ST6GALNAC3: variants seen among roughly 807,000 people sequenced by gnomAD.
The protein encoded by ST6GALNAC3 is ST6 N-acetylgalactosaminide alpha-2,6-sialyltransferase 3, also known as alpha-N-acetylgalactosaminide alpha-2,6-sialyltransferase 3.
In ST6GALNAC3, 25 loss-of-function variants were observed where a neutral mutation model predicts 32.7. The ratio of observed to expected loss-of-function variants is 0.76; its 90% CI spans 0.56 to 1.07. The LOEUF (loss-of-function observed/expected upper bound fraction) is 1.07, where lower values mean the gene tolerates loss of function less well. ST6GALNAC3 is among the 50% of genes least tolerant of loss of function. ST6GALNAC3 has a pLI of 0.00. For missense variants in ST6GALNAC3, 355 were observed against 382.4 expected (o/e 0.93, Z 0.60); for synonymous variants, 129 against 133.1 (o/e 0.97, Z 0.21).
intron 3 of ST6GALNAC3, among the ~76,000 whole-genome samples, chr1:76,499,416 C>A (rs988383496): frequency 1.3e-5 from 2 of 152,182 alleles, no homozygotes; most frequent in African/African-American, 2.4e-5. Context: ...CCAAATCATG[C>A]AAATCAGAAG....
intron 1 of ST6GALNAC3, among the ~76,000 whole-genome samples, chr1:76,186,302 T>A (rs1201530807): frequency 2.6e-5 from 4 of 152,228 alleles, no homozygotes; most frequent in African/African-American, 9.6e-5. Flanking sequence ...TCTCATCCAC[T>A]TCTTTGAGCA....
intron 2 of ST6GALNAC3, among the ~76,000 whole-genome samples, chr1:76,348,112 G>A (rs929122070): frequency 2.6e-5 from 4 of 152,164 alleles, no homozygotes; most frequent in African/African-American, 4.8e-5. Flanking sequence ...CATGAAAGGT[G>A]TTTAACTCTT....
chr1:76,569,167 C>T (rs1221720670), intron 3 of ST6GALNAC3, among the ~76,000 whole-genome samples: 1 of 152,160 alleles, frequency 6.6e-6, no homozygotes, highest in Non-Finnish European at 1.5e-5. Flanking sequence ...CAAACATACA[C>T]TTGTTTGAAG....
intron 1 of ST6GALNAC3, among the ~76,000 whole-genome samples, chr1:76,207,172 G>T (rs72675919): frequency 0.043 from 6,524 of 152,222 alleles, 295 homozygotes; most frequent in African/African-American, 0.12. Context: ...CACAAAGTAG[G>T]TGTTAACCCC....
chr1:76,402,492 C>G (rs192102081), intron 2 of ST6GALNAC3, among the ~76,000 whole-genome samples: 1 of 152,274 alleles, frequency 6.6e-6, no homozygotes, highest in East Asian at 1.9e-4. Flanking sequence ...TTTCAGTACA[C>G]TACGCACCAT....
At chr1:76,176,866 A>G (rs577156825) in intron 1 of ST6GALNAC3, among the ~76,000 whole-genome samples, 3 of 152,298 alleles carry the variant, frequency 2.0e-5, no homozygotes, top group Non-Finnish European at 4.4e-5. Context: ...GATGGTGGTA[A>G]TGATTGCATA....
chr1:76,376,721 A>G (rs1239123328), intron 2 of ST6GALNAC3, among the ~76,000 whole-genome samples: 1 of 152,166 alleles, frequency 6.6e-6, no homozygotes, highest in Non-Finnish European at 1.5e-5. Context: ...TATTTAGACC[A>G]TTTATATGTG....
chr1:76,225,901 G>T (rs2100619904), intron 1 of ST6GALNAC3, among the ~76,000 whole-genome samples: 1 of 152,170 alleles, frequency 6.6e-6, no homozygotes, highest in East Asian at 1.9e-4. Flanking sequence ...CATTTCACTG[G>T]ACTTCACCCA....
At chr1:76,609,616 G>T (rs1647787855) in intron 3 of ST6GALNAC3, among the ~76,000 whole-genome samples, 1 of 152,028 alleles carries the variant, frequency 6.6e-6, no homozygotes, top group African/African-American at 2.4e-5. Flanking sequence ...AAAAATTGGG[G>T]GTGGGGAGAT....
intron 3 of ST6GALNAC3, among the ~76,000 whole-genome samples, chr1:76,616,923 G>C (rs1648332550): frequency 1.3e-5 from 2 of 152,120 alleles, no homozygotes; most frequent in South Asian, 4.1e-4. Context: ...GAGAAGGTCA[G>C]AGCTGCTTTA....
At chr1:76,494,743 G>GCA (rs34912507) in intron 3 of ST6GALNAC3, among the ~76,000 whole-genome samples, 86,498 of 130,486 alleles carry the variant, frequency 0.66, 30,623 homozygotes, top group East Asian at 0.85. Context: ...TCATGTGTAT[G>GCA]CACACACACA....
chr1:76,231,731 A>G (rs956896495), intron 1 of ST6GALNAC3, among the ~76,000 whole-genome samples: 1 of 152,092 alleles, frequency 6.6e-6, no homozygotes, highest in Admixed American at 6.5e-5. Context: ...TTTTTCATCC[A>G]TTCATCTGTC....
rs568449487 is a variant in ST6GALNAC3 at position 76,362,205 on chromosome 1, A to G, written c.213+48206A>G. Among the ~76,000 whole-genome samples, 235 of 152,206 alleles carry G rather than the reference A, an allele frequency of 1.5e-3. 1 individual carries two copies. The highest frequency in any genetic ancestry group is 5.6e-3 in the African/African-American group (233 of 41,540). On this transcript the variant is annotated intron_variant, in intron 2 of 4. Coordinates refer to ENST00000328299, the MANE Select transcript of ST6GALNAC3 (RefSeq NM_152996.4). ...GGAAGAAGAGAGGCGGAAGTGCTAC[A>G]CATGTTTAAACAACCGGATCTCTTG...
At chr1:76,486,798 T>C (rs1016659815) in intron 3 of ST6GALNAC3, among the ~76,000 whole-genome samples, 5 of 152,232 alleles carry the variant, frequency 3.3e-5, no homozygotes, top group Admixed American at 2.0e-4. Context: ...TGCTCGTTAG[T>C]TGATGCAGTT....
chr1:76,623,664 T>C lies in ST6GALNAC3; in HGVS notation c.624-3788T>C, dbSNP rs552991290. Among the ~76,000 whole-genome samples, 15 of 152,142 alleles carry C rather than the reference T, an allele frequency of 9.9e-5. 1 individual carries two copies. The highest frequency in any genetic ancestry group is 3.6e-4 in the African/African-American group (15 of 41,548). On this transcript the variant is annotated intron_variant, in intron 3 of 4. Coordinates refer to ENST00000328299, the MANE Select transcript of ST6GALNAC3 (RefSeq NM_152996.4). ...ATAGTTATCACTTTAAGGCATTTGATAGTTATCACTAAGTCTTTCCAAGCT... is the reference window on the plus strand; with the variant it reads ...ATAGTTATCACTTTAAGGCATTTGACAGTTATCACTAAGTCTTTCCAAGCT...
At chr1:76,605,542 A>T (rs1647472567) in intron 3 of ST6GALNAC3, among the ~76,000 whole-genome samples, 1 of 152,022 alleles carries the variant, frequency 6.6e-6, no homozygotes, top group Admixed American at 6.6e-5. Flanking sequence ...ACAAATTTAC[A>T]AGAAAAAAAA....
At chr1:76,416,635 T>TTG (rs1375025004) in intron 3 of ST6GALNAC3, among the ~76,000 whole-genome samples, 1 of 146,346 alleles carries the variant, frequency 6.8e-6, no homozygotes, top group Non-Finnish European at 1.5e-5. Context: ...TTGTTTTTTT[T>TTG]TTTTTTTTTT....
chr1:76,627,817 T>G (rs1447977849), intron 4 of ST6GALNAC3, among the ~76,000 whole-genome samples: 2 of 151,930 alleles, frequency 1.3e-5, no homozygotes, highest in African/African-American at 2.4e-5. Context: ...AGCAGGGACT[T>G]TTGGCTTGAA....
chr1:76,134,286 T>C (rs914139495), intron 1 of ST6GALNAC3, among the ~76,000 whole-genome samples: 3 of 152,250 alleles, frequency 2.0e-5, no homozygotes, highest in African/African-American at 7.2e-5. Context: ...TGCTCACAGC[T>C]GTATCCTTAC....
Sources: allele counts gnomAD v4.1 joint callset (sites outside exome capture counted in the v4.1 genomes callset), GRCh38; gene constraint gnomAD v4.1.1; transcripts MANE v1.5; gene names NCBI Gene and HGNC (gene_info 2026-07-23, HGNC 2026-07-21).